The following THAP5 variants were observed in gnomAD, a reference collection of about 807,000 sequenced individuals.
THAP5 encodes THAP domain-containing protein 5.
Under a neutral mutation model 34.0 loss-of-function variants are expected in THAP5, and 26 were observed. The observed-to-expected ratio is 0.77, with a 90% confidence interval of 0.56 to 1.06. The LOEUF (loss-of-function observed/expected upper bound fraction) is 1.06, where lower values mean the gene tolerates loss of function less well. Among genes scored for constraint, THAP5 ranks in the 50% least tolerant of loss-of-function variants. The pLI, the probability that THAP5 is intolerant of heterozygous loss-of-function variation, is 0.00. For missense variants in THAP5, 394 were observed against 452.8 expected, an observed-to-expected ratio of 0.87 and a Z score of 1.18; for synonymous variants, 125 against 153.0, an observed-to-expected ratio of 0.82 and a Z score of 1.35.
intron 1 of THAP5, among the ~76,000 whole-genome samples, chr7:108,556,583 C>G: frequency 6.6e-6 from 1 of 152,342 alleles, no homozygotes; most frequent in East Asian, 1.9e-4. Flanking sequence ...TGTCTCATAT[C>G]CAAGGCATGC....
At chr7:108,569,451 C>G (rs763302776) in intron 1 of THAP5, 39 bp downstream of exon 1, 81 of 1,551,276 alleles carry the variant, frequency 5.2e-5, no homozygotes, top group Non-Finnish European at 6.9e-5. Flanking sequence ...TCCAAGGCCT[C>G]ACGGCGAGGC....
At chr7:108,549,127 C>CAT in the THAP5 span, among the ~76,000 whole-genome samples, 119 of 125,854 alleles carry the variant, frequency 9.5e-4, no homozygotes, top group African/African-American at 3.1e-3. Flanking sequence ...CACACACACA[C>CAT]AAGTACTTTT....
chr7:108,561,653 AAGGAAGGG>A (rs1864432244), downstream of THAP5, among the ~76,000 whole-genome samples: 1 of 152,076 alleles, frequency 6.6e-6, no homozygotes, highest in South Asian at 2.1e-4. Flanking sequence ...AGAGGCAGGA[AAGGAAGGG>A]AGGAGTGAGA....
chr7:108,561,449 T>C (rs1250256158), downstream of THAP5, among the ~76,000 whole-genome samples: 3 of 149,152 alleles, frequency 2.0e-5, no homozygotes, highest in South Asian at 2.1e-4. Context: ...TTTTTTTTTT[T>C]CTAGAGACAG....
rs1234473911 is a variant in THAP5 at position 108,563,674 on chromosome 7, TATC to T, written c.*514_*516del. On this transcript the variant is annotated 3_prime_UTR_variant, in exon 3 of 3. Coordinates refer to ENST00000415914, the MANE Select transcript of THAP5 (RefSeq NM_001130475.3). Reference sequence around the variant, plus strand: ...AATACTGAAAATAATACATGGTTAATATCATCAAATTCTAGCCAACTTCTAGTA... The same window carrying T: ...AATACTGAAAATAATACATGGTTAATATCAAATTCTAGCCAACTTCTAGTA... 3 of 151,432 alleles carry T rather than the reference TATC, an allele frequency of 2.0e-5. No homozygotes were observed. The highest frequency in any genetic ancestry group is 1.3e-4 in the Admixed American group (2 of 15,166). 9.4% of individuals were successfully genotyped at this position (151,432 alleles called of 1,614,324 possible). A position where few individuals can be genotyped will look rare whatever the true frequency, so the allele number is the denominator to read the frequency against.
chr7:108,541,952 T>C, the THAP5 span, among the ~76,000 whole-genome samples: 1 of 152,210 alleles, frequency 6.6e-6, no homozygotes, highest in Non-Finnish European at 1.5e-5. Context: ...TATGTGAAGA[T>C]GTTTTTCTTT....
downstream of THAP5, among the ~76,000 whole-genome samples, chr7:108,554,252 T>C (rs1864371874): frequency 6.6e-6 from 1 of 152,228 alleles, no homozygotes; most frequent in African/African-American, 2.4e-5. Context: ...ATAAATTGGA[T>C]GAAAACAACA....
At chr7:108,548,928 C>T in the THAP5 span, among the ~76,000 whole-genome samples, 147 of 152,182 alleles carry the variant, frequency 9.7e-4, 1 homozygote, top group African/African-American at 3.4e-3. Context: ...AGCTCTTACA[C>T]ATATTCTTAA....
the THAP5 span, among the ~76,000 whole-genome samples, chr7:108,545,122 A>G: frequency 2.8e-4 from 42 of 152,362 alleles, no homozygotes; most frequent in African/African-American, 1.0e-3. Context: ...ATTTGAGGCT[A>G]CCTTTTTAAA....
chr7:108,560,034 T>TG (rs1864415179), downstream of THAP5, among the ~76,000 whole-genome samples: 1 of 152,232 alleles, frequency 6.6e-6, no homozygotes, highest in African/African-American at 2.4e-5. Flanking sequence ...CAGAATTGTT[T>TG]GGGGATGTGA....
rs1457394767 is a variant in THAP5 at position 108,569,636 on chromosome 7, T to C, written c.-67A>G. On this transcript the variant is annotated 5_prime_UTR_variant, in exon 1 of 3. Coordinates refer to ENST00000415914, the MANE Select transcript of THAP5 (RefSeq NM_001130475.3). ...GCAGGGCGGCCCTCCTCACTGAGGA[T>C]GCGCCACAGGTCCAGGCCTCTCGAG... 1 of 1,536,008 alleles carries C rather than the reference T, an allele frequency of 6.5e-7. No individual in the cohort carries two copies. The highest frequency in any genetic ancestry group is 8.8e-7 in the Non-Finnish European group (1 of 1,139,282).
chr7:108,541,934 TTTCC>T, the THAP5 span, among the ~76,000 whole-genome samples: 600 of 152,336 alleles, frequency 3.9e-3, 1 homozygote, highest in Middle Eastern at 0.024. Flanking sequence ...AACTGTAATA[TTTCC>T]TTATATGTGA....
chr7:108,566,141 A>G, intron 1 of THAP5, 119 bp from the exon 2 acceptor site: 3 of 752,198 alleles, frequency 4.0e-6, no homozygotes, highest in South Asian at 4.1e-5. Flanking sequence ...CTACAAGAGG[A>G]AGGCAACCAT....
downstream of THAP5, among the ~76,000 whole-genome samples, chr7:108,550,954 T>C (rs1057065079): frequency 6.6e-6 from 1 of 152,226 alleles, no homozygotes; most frequent in South Asian, 2.1e-4. Flanking sequence ...TGTTCTACTT[T>C]TTGGGAGATT....
chr7:108,556,228 CT>C (rs1335025598), intron 1 of THAP5, among the ~76,000 whole-genome samples: 1 of 152,158 alleles, frequency 6.6e-6, no homozygotes, highest in Non-Finnish European at 1.5e-5. Flanking sequence ...CATTCTGCCC[CT>C]TGCCCCTCCC....
At chr7:108,561,299 T>TAA, downstream of THAP5, among the ~76,000 whole-genome samples, 1 of 152,138 alleles carries the variant, frequency 6.6e-6, no homozygotes, top group South Asian at 2.1e-4. Context: ...GGTCTCACTT[T>TAA]GATGCCCAGG....
In THAP5 at chr7:108,564,238, T is replaced by G; in HGVS notation, c.1141A>C (p.Lys381Gln). ...GTTGTAAAATGGTTTTCTATAATCT[T>G]GACGTTTTCTTCAGATAGCCAGTTT... ...QENWLSEENV[K>Q]IIENHFTTYE... Residue 381 changes from lysine to glutamine, a missense_variant, in exon 3 of 3, where the codon AAG becomes CAG. Coordinates refer to ENST00000415914, the MANE Select transcript of THAP5 (RefSeq NM_001130475.3). 6.2e-7 allele frequency: 1 copy of G among 1,609,090 alleles called. No individual in the cohort carries two copies. The highest frequency in any genetic ancestry group is 8.5e-7 in the Non-Finnish European group (1 of 1,178,502).
downstream of THAP5, among the ~76,000 whole-genome samples, chr7:108,552,692 C>T (rs1864361144): frequency 2.0e-5 from 3 of 152,028 alleles, no homozygotes; most frequent in Admixed American, 6.6e-5. Context: ...CCCAGCTACT[C>T]GGGAGGCTGA....
chr7:108,569,695 GCCGCCTCGTCTGTCGACTCACTT>G, exon 1 of THAP5: 1 of 1,303,252 alleles, frequency 7.7e-7, no homozygotes, highest in Non-Finnish European at 1.1e-6. Context: ...TGCCGGGAAA[GCCGCCTCGTCTGTCGACTCACTT>G]CCGCCTCCTC....
Sources: allele counts gnomAD v4.1 joint callset (sites outside exome capture counted in the v4.1 genomes callset), GRCh38; gene constraint gnomAD v4.1.1; transcripts MANE v1.5; gene names NCBI Gene and HGNC (gene_info 2026-07-23, HGNC 2026-07-21).